CCDC14: variants seen among roughly 807,000 people sequenced by gnomAD.
The protein encoded by CCDC14 is coiled-coil domain containing 14.
CCDC14 carries 71 observed loss-of-function variants against 81.4 expected under a neutral mutation model. The ratio of observed to expected loss-of-function variants is 0.87; its 90% confidence interval spans 0.72 to 1.06. The LOEUF (loss-of-function observed/expected upper bound fraction) is 1.06. CCDC14 is among the 50% of genes least tolerant of loss of function. CCDC14 has a pLI of 0.00. For missense variants in CCDC14, 1,046 were observed against 1,047.3 expected (o/e 1.00, Z 0.02); for synonymous variants, 332 against 364.8 (o/e 0.91, Z 1.03).
chr3:123,903,783 A>C (rs1247433809), intron 5 of CCDC14, among the ~76,000 whole-genome samples: 1 of 85,870 alleles, frequency 1.2e-5, no homozygotes, highest in Non-Finnish European at 2.7e-5. Context: ...TAGATCTGAC[A>C]GACAAAATGT....
downstream of CCDC14, among the ~76,000 whole-genome samples, chr3:123,895,675 A>G (rs2034049552): frequency 6.6e-6 from 1 of 152,234 alleles, no homozygotes; most frequent in Non-Finnish European, 1.5e-5. Flanking sequence ...AGAACTACTG[A>G]CAGCCTAGGT....
intron 1 of CCDC14, chr3:123,958,450 C>CA (rs2037474680): frequency 6.6e-6 from 1 of 152,042 alleles, no homozygotes; most frequent in Non-Finnish European, 1.5e-5. Context: ...CATATTGGAA[C>CA]AATTCCTTTC....
At chr3:123,898,448 G>A (rs931203128) in intron 5 of CCDC14, among the ~76,000 whole-genome samples, 1 of 151,420 alleles carries the variant, frequency 6.6e-6, no homozygotes, top group Non-Finnish European at 1.5e-5. Context: ...CCTCTTTTTT[G>A]GTAACCTCTA....
intron 12 of CCDC14, among the ~76,000 whole-genome samples, chr3:123,923,706 T>C (rs1453144270): frequency 2.0e-5 from 3 of 151,030 alleles, no homozygotes; most frequent in African/African-American, 7.3e-5. Context: ...AGGTGAACAA[T>C]ACACATATAT....
intron 12 of CCDC14, among the ~76,000 whole-genome samples, chr3:123,921,267 C>G (rs980558153): frequency 6.6e-6 from 1 of 152,164 alleles, no homozygotes; most frequent in African/African-American, 2.4e-5. Flanking sequence ...GAATCAAAAA[C>G]TGTATGCTGC....
In CCDC14 at chr3:123,947,295, G is replaced by A; in HGVS notation, c.709C>T (p.Gln237Ter). 1.9e-6 allele frequency: 3 copies of A among 1,610,722 alleles called. No homozygotes were observed. Among genetic ancestry groups the A allele is most frequent in the Non-Finnish European group, 2.5e-6 (3 of 1,177,460 alleles). Residue 237 changes from glutamine to a stop codon, truncating the protein, a stop_gained, in exon 8 of 13, where the codon CAG becomes TAG. Coordinates refer to ENST00000409697, the MANE Select transcript of CCDC14 (RefSeq NM_001366335.1). LOFTEE classifies it high-confidence loss of function. Reference sequence around the variant, plus strand: ...ACTGTTTTACCTTGTGATGCAAACTGACTGTTGCCATCAGTTTGAACTTCC... The same window carrying A: ...ACTGTTTTACCTTGTGATGCAAACTAACTGTTGCCATCAGTTTGAACTTCC... Reference protein sequence around the residue: ...HSEVQTDGNSQFASQGKTVSA... With the variant: ...HSEVQTDGNS
intron 9 of CCDC14, among the ~76,000 whole-genome samples, chr3:123,943,915 G>A (rs1249016224): frequency 2.0e-5 from 3 of 152,074 alleles, no homozygotes; most frequent in East Asian, 1.9e-4. Flanking sequence ...AAGTGTTTCC[G>A]TGAGTTCTGT....
chr3:123,914,809 C>T lies in CCDC14; in HGVS notation c.2688G>A (p.Lys896=). Residue 896 remains lysine, a synonymous_variant, in exon 13 of 13, where the codon AAG becomes AAA. Coordinates refer to ENST00000409697, the MANE Select transcript of CCDC14 (RefSeq NM_001366335.1). ...ALDANIARLQ[K]SLRTGLLEK The stretch of plus-strand genomic sequence containing the variant: ...TCTCCAGAAGACCAGTCCTTAAAGA[C>T]TTCTGGAGTCTAGCTATGTTGGCAT... 6.4e-7 allele frequency: 1 copy of T among 1,574,460 alleles called. No homozygotes were observed. Among genetic ancestry groups the T allele is most frequent in the African/African-American group, 1.3e-5 (1 of 74,114 alleles).
chr3:123,946,485 T>C (rs1231768237), intron 8 of CCDC14, among the ~76,000 whole-genome samples: 3 of 152,112 alleles, frequency 2.0e-5, no homozygotes, highest in African/African-American at 7.2e-5. Context: ...TAATCATTTA[T>C]AGGCATTCTC....
the CCDC14 span, among the ~76,000 whole-genome samples, chr3:123,887,331 A>G: frequency 6.6e-6 from 1 of 152,088 alleles, no homozygotes; most frequent in African/African-American, 2.4e-5. Flanking sequence ...CCTCTACTAG[A>G]TTCCTTAGGA....
chr3:123,900,759 A>G (rs2034162802), intron 5 of CCDC14, among the ~76,000 whole-genome samples: 1 of 152,202 alleles, frequency 6.6e-6, no homozygotes, highest in African/African-American at 2.4e-5. Flanking sequence ...AAGTCATATC[A>G]TGTTCCTGGA....
rs761924606 is a variant in CCDC14, at chr3:123,961,151, G to T, written c.23C>A (p.Pro8Gln). 23 of 1,551,306 alleles carry T rather than the reference G, an allele frequency of 1.5e-5. No individual in the cohort carries two copies. The highest frequency in any genetic ancestry group is 2.7e-5 in the African/African-American group (2 of 73,022). The change falls in exon 1 of 13, where the codon CCG becomes CAG. Residue 8 changes from proline (P) to glutamine (Q), a missense_variant. Pro to Gln is a moderately conservative substitution (Grantham distance 76). Transcript: ENST00000409697. MVRSGAR[P>Q]GQVLSSGRHT... ...CAGGTCCTCAGCCCTCACCTGGCCCGGTCGAGCTCCAGACCTGACCATCTC... is the reference window on the plus strand; with the variant it reads ...CAGGTCCTCAGCCCTCACCTGGCCCTGTCGAGCTCCAGACCTGACCATCTC...
intron 5 of CCDC14, among the ~76,000 whole-genome samples, chr3:123,900,005 A>G (rs2034147832): frequency 6.6e-6 from 1 of 152,164 alleles, no homozygotes; most frequent in African/African-American, 2.4e-5. Flanking sequence ...TGTGCCTCAT[A>G]CTGAGTAATC....
chr3:123,929,837 G>C (rs763741310), intron 12 of CCDC14, among the ~76,000 whole-genome samples: 8 of 152,044 alleles, frequency 5.3e-5, no homozygotes, highest in Non-Finnish European at 1.5e-5. Context: ...TGGACATTTC[G>C]TATAAATGGA....
chr3:123,897,616 G>T, intron 5 of CCDC14: 1 of 1,174,432 alleles, frequency 8.5e-7, no homozygotes, highest in Non-Finnish European at 1.1e-6. Context: ...TAAAAAGTCT[G>T]AAAGAATAGA....
At chr3:123,948,602 A>G in intron 7 of CCDC14, 89 bp downstream of exon 7, 1 of 983,998 alleles carries the variant, frequency 1.0e-6, no homozygotes, top group Non-Finnish European at 1.5e-6. Context: ...ATCCTAGTGC[A>G]TTAAGTTATA....
At chr3:123,954,717 C>T (rs763349515) in intron 5 of CCDC14, 1 of 152,098 alleles carries the variant, frequency 6.6e-6, no homozygotes, top group Non-Finnish European at 1.5e-5. Context: ...ATAAAATTTA[C>T]ACTTGAAAAG....
At chr3:123,896,131 T>C (rs540526180), downstream of CCDC14, among the ~76,000 whole-genome samples, 65 of 152,332 alleles carry the variant, frequency 4.3e-4, no homozygotes, top group African/African-American at 1.5e-3. Flanking sequence ...TGTTGAGAGA[T>C]GCGGTCTTTA....
chr3:123,906,133 T>C (rs1293789197), intron 5 of CCDC14, among the ~76,000 whole-genome samples: 2 of 151,850 alleles, frequency 1.3e-5, no homozygotes, highest in African/African-American at 4.8e-5. Context: ...ATCGAGACCA[T>C]CCTGGCTAAC....
Sources: allele counts gnomAD v4.1 joint callset (sites outside exome capture counted in the v4.1 genomes callset), GRCh38; gene constraint gnomAD v4.1.1; transcripts MANE v1.5; gene names NCBI Gene and HGNC (gene_info 2026-07-23, HGNC 2026-07-21).